Variants in METTL15 observed in about 807,000 individuals in gnomAD.
The protein encoded by METTL15 is methyltransferase 15, mitochondrial 12S rRNA N4-cytidine, also known as 12S rRNA N(4)-cytidine methyltransferase METTL15.
Under a neutral mutation model 38.3 loss-of-function variants are expected in METTL15, and 34 were observed. The ratio of observed to expected loss-of-function variants is 0.89; its 90% CI spans 0.68 to 1.18. The LOEUF (loss-of-function observed/expected upper bound fraction) is 1.18. Among genes scored for constraint, METTL15 ranks in the 50% most tolerant of loss-of-function variants. METTL15 has a pLI of 0.00. For missense variants in METTL15, 438 were observed against 498.4 expected (o/e 0.88, Z 1.15); for synonymous variants, 162 against 170.9 (o/e 0.95, Z 0.41).
At chr11:28,294,600 T>C (rs769552821) in intron 5 of METTL15, among the ~76,000 whole-genome samples, 65 of 152,106 alleles carry the variant, frequency 4.3e-4, no homozygotes, top group Non-Finnish European at 8.4e-4. Context: ...CACTGGAAGG[T>C]AATTAATTGT....
Position 28,217,154 on chromosome 11 carries a change from T to C in METTL15, c.407+5956T>C, listed in dbSNP as rs1230447837. On this transcript the variant is annotated intron_variant, in intron 4 of 6. Transcript: ENST00000407364. ...ATCGCCACACTGACTTCCATAACGG[T>C]TGAACTAGTTTACAGTCCCACCAAC... 3.9e-5 allele frequency among the ~76,000 whole-genome samples: 6 copies of C among 152,190 alleles called. No homozygotes were observed. The East Asian group carries it at 1.2e-3, about 29-fold the overall frequency.
chr11:28,159,456 A>C (rs1250875476), intron 3 of METTL15, among the ~76,000 whole-genome samples: 1 of 152,010 alleles, frequency 6.6e-6, no homozygotes, highest in Admixed American at 6.6e-5. Flanking sequence ...GGAAAAAAAA[A>C]AAAACACAAC....
intron 6 of METTL15, among the ~76,000 whole-genome samples, chr11:28,486,367 A>G (rs1227909611): frequency 1.3e-5 from 2 of 152,050 alleles, no homozygotes; most frequent in South Asian, 4.1e-4. Flanking sequence ...CCAGGTGGAC[A>G]CAGGAAAAAA....
chr11:28,270,339 C>T (rs1855594516), intron 4 of METTL15, among the ~76,000 whole-genome samples: 2 of 152,114 alleles, frequency 1.3e-5, no homozygotes, highest in East Asian at 1.9e-4. Flanking sequence ...ATCTAATTAA[C>T]ATTACACATG....
intron 3 of METTL15, among the ~76,000 whole-genome samples, chr11:28,345,017 T>G (rs1302866344): frequency 6.6e-6 from 1 of 152,188 alleles, no homozygotes; most frequent in East Asian, 1.9e-4. Context: ...CCAGTGTTTA[T>G]TTTACACTTA....
At chr11:28,183,871 G>T (rs186423180) in intron 3 of METTL15, among the ~76,000 whole-genome samples, 59 of 152,190 alleles carry the variant, frequency 3.9e-4, no homozygotes, top group African/African-American at 1.3e-3. Flanking sequence ...GAATTCAGCT[G>T]TGAATTCGTC....
At chr11:28,131,073 A>G (rs377116255) in intron 3 of METTL15, among the ~76,000 whole-genome samples, 1 of 144,370 alleles carries the variant, frequency 6.9e-6, no homozygotes, top group East Asian at 2.0e-4. Flanking sequence ...GCATCCTCCC[A>G]TTTTTTTTTT....
chr11:28,165,186 G>C (rs1850613709), intron 3 of METTL15, among the ~76,000 whole-genome samples: 1 of 152,008 alleles, frequency 6.6e-6, no homozygotes, highest in Non-Finnish European at 1.5e-5. Flanking sequence ...ATTGATTTCA[G>C]TTATCTTGTA....
intron 4 of METTL15, among the ~76,000 whole-genome samples, chr11:28,233,244 A>C (rs1204806623): frequency 1.3e-5 from 2 of 152,124 alleles, no homozygotes; most frequent in African/African-American, 4.8e-5. Flanking sequence ...TATACTGCTT[A>C]ATAACATAGA....
At chr11:28,312,564 T>C (rs1162709816) in intron 6 of METTL15, among the ~76,000 whole-genome samples, 5 of 115,124 alleles carry the variant, frequency 4.3e-5, no homozygotes, top group African/African-American at 1.3e-4. Context: ...ATTTCTTTGT[T>C]CTTTTTTTCT....
downstream of METTL15, among the ~76,000 whole-genome samples, chr11:28,530,936 G>A (rs1851840463): frequency 6.6e-6 from 1 of 151,854 alleles, no homozygotes; most frequent in South Asian, 2.1e-4. Context: ...GACAGGGAAG[G>A]AATATGAAGT....
chr11:28,481,360 A>G (rs1185073529), intron 6 of METTL15, among the ~76,000 whole-genome samples: 1 of 152,218 alleles, frequency 6.6e-6, no homozygotes. Flanking sequence ...TACAGCCCAT[A>G]GGAAACAAAT....
At chr11:28,201,611 G>GTGTGTGTGTGTGTGTGTGTGTGTT (rs1852118912) in intron 3 of METTL15, among the ~76,000 whole-genome samples, 2 of 1,102 alleles carry the variant, frequency 1.8e-3, no homozygotes, top group Admixed American at 0.03. Context: ...TCTTGGGAGG[G>GTGTGTGTGTGTGTGTGTGTGTGTT]TGTGTGTGTG....
intron 3 of METTL15, among the ~76,000 whole-genome samples, chr11:28,207,256 A>G (rs1852388634): frequency 6.6e-6 from 1 of 151,918 alleles, no homozygotes; most frequent in African/African-American, 2.4e-5. Flanking sequence ...TGTCATAGAT[A>G]GCTCTTATTA....
chr11:28,483,288 G>T lies in METTL15; in HGVS notation c.*425-43190G>T, dbSNP rs1422230885. ...GGTGGCAATGGCGGGAAAAACTGTT[G>T]ACTCATGGGCCTGATGTCGGATATT... On this transcript the variant is annotated intron_variant and NMD_transcript_variant, in intron 6 of 7. Transcript: ENST00000532947. Among the ~76,000 whole-genome samples, 3 of 152,114 alleles carry T rather than the reference G, an allele frequency of 2.0e-5. No homozygotes were observed. In the East Asian group the frequency reaches 5.8e-4, roughly 29 times the overall value.
intron 4 of METTL15, among the ~76,000 whole-genome samples, chr11:28,288,247 C>T (rs1046957904): frequency 6.6e-6 from 1 of 152,090 alleles, no homozygotes; most frequent in African/African-American, 2.4e-5. Context: ...TTGTGGAAGA[C>T]CGTGTAATGA....
chr11:28,281,536 A>G (rs138170494), intron 4 of METTL15, among the ~76,000 whole-genome samples: 164 of 152,262 alleles, frequency 1.1e-3, no homozygotes, highest in Non-Finnish European at 1.7e-3. Flanking sequence ...TCAAATGGGT[A>G]ATTATAATTG....
At chr11:28,139,442 C>G (rs1465429211) in intron 3 of METTL15, among the ~76,000 whole-genome samples, 1 of 152,110 alleles carries the variant, frequency 6.6e-6, no homozygotes, top group Non-Finnish European at 1.5e-5. Context: ...TCCCTGTAAC[C>G]TTGGGATGGT....
intron 6 of METTL15, among the ~76,000 whole-genome samples, chr11:28,494,474 T>C (rs910536295): frequency 3.9e-5 from 6 of 152,152 alleles, no homozygotes; most frequent in African/African-American, 1.4e-4. Flanking sequence ...GTTCAAATCC[T>C]GCCTCAAGCC....
Sources: allele counts gnomAD v4.1 joint callset (sites outside exome capture counted in the v4.1 genomes callset), GRCh38; gene constraint gnomAD v4.1.1; transcripts MANE v1.5; gene names NCBI Gene and HGNC (gene_info 2026-07-23, HGNC 2026-07-21).